Variants in PLCB1 observed in about 807,000 individuals in gnomAD.
The protein encoded by PLCB1 is phospholipase C beta 1, also known as 1-phosphatidylinositol 4,5-bisphosphate phosphodiesterase beta-1.
In PLCB1, 46 loss-of-function variants were observed where a neutral mutation model predicts 161.8. The ratio of observed to expected loss-of-function variants is 0.28; its 90% confidence interval spans 0.22 to 0.36. PLCB1 has a LOEUF of 0.36. Among genes scored for constraint, PLCB1 ranks in the 10% least tolerant of loss-of-function variants. The pLI, the probability that PLCB1 is intolerant of heterozygous loss-of-function variation, is 1.00. For missense variants in PLCB1, 1,016 were observed against 1,472.5 expected (o/e 0.69, Z 5.07); for synonymous variants, 517 against 503.7 (o/e 1.03, Z -0.35).
intron 31 of PLCB1, among the ~76,000 whole-genome samples, chr20:8,806,602 T>C (rs1448139090): frequency 6.6e-6 from 1 of 152,094 alleles, no homozygotes; most frequent in African/African-American, 2.4e-5. Context: ...CTTAAGTCTG[T>C]CTCTTGCCCC....
At chr20:8,277,917 T>A (rs6140583) in intron 2 of PLCB1, among the ~76,000 whole-genome samples, 49,612 of 151,860 alleles carry the variant, frequency 0.33, 8,418 homozygotes, top group East Asian at 0.42. Flanking sequence ...ATGCAGGGGG[T>A]ATAATCCCTA....
At chr20:8,148,118 A>T (rs2051473432) in intron 1 of PLCB1, among the ~76,000 whole-genome samples, 1 of 152,146 alleles carries the variant, frequency 6.6e-6, no homozygotes, top group Non-Finnish European at 1.5e-5. Flanking sequence ...ACTGACCTGA[A>T]AAAGATAAGT....
intron 3 of PLCB1, among the ~76,000 whole-genome samples, chr20:8,524,111 A>C (rs934862919): frequency 2.1e-5 from 3 of 144,642 alleles, no homozygotes; most frequent in Non-Finnish European, 4.5e-5. Flanking sequence ...TTTCAATGCT[A>C]TGTATTAAAA....
intron 2 of PLCB1, among the ~76,000 whole-genome samples, chr20:8,313,170 A>C (rs1984486273): frequency 6.6e-6 from 1 of 152,180 alleles, no homozygotes; most frequent in East Asian, 1.9e-4. Flanking sequence ...TATATCAATC[A>C]CCTATTTGTA....
At chr20:8,319,617 G>A (rs910041875) in intron 2 of PLCB1, among the ~76,000 whole-genome samples, 2 of 152,018 alleles carry the variant, frequency 1.3e-5, no homozygotes, top group African/African-American at 4.8e-5. Flanking sequence ...GTGACTTAGG[G>A]CCATCTATGT....
intron 1 of PLCB1, among the ~76,000 whole-genome samples, chr20:8,136,596 A>G (rs1183765412): frequency 6.6e-6 from 1 of 150,960 alleles, no homozygotes; most frequent in African/African-American, 2.4e-5. Context: ...ACTGCACTCC[A>G]GCCTGGGCGA....
At chr20:8,407,983 A>T (rs1978860672) in intron 3 of PLCB1, among the ~76,000 whole-genome samples, 1 of 152,198 alleles carries the variant, frequency 6.6e-6, no homozygotes, top group African/African-American at 2.4e-5. Flanking sequence ...GAACGTAAGA[A>T]GGCATGATGA....
chr20:8,273,582 C>T (rs890973234), intron 2 of PLCB1, among the ~76,000 whole-genome samples: 1 of 152,096 alleles, frequency 6.6e-6, no homozygotes, highest in Non-Finnish European at 1.5e-5. Flanking sequence ...ATTTCATAAG[C>T]AGGAAACCTA....
chr20:8,433,468 G>A lies in PLCB1; in HGVS notation c.246+62018G>A, dbSNP rs960714960. Among the ~76,000 whole-genome samples, 8 of 117,252 alleles carry A rather than the reference G, an allele frequency of 6.8e-5. 2 individuals carry two copies. Among genetic ancestry groups the A allele is most frequent in the African/African-American group, 1.8e-4 (5 of 28,046 alleles). The allele number at this position is 117,252 out of a possible 152,430, so 76.9% of individuals were successfully genotyped here. ...GATCTTCCATAAAGAGGGGAACTGC[G>A]AATTGCAAAGTAAAGCCCCTGCTGT... is the stretch of plus-strand genomic sequence containing the variant. On this transcript the variant is annotated intron_variant, in intron 3 of 31. Coordinates refer to ENST00000338037, the MANE Select transcript of PLCB1 (RefSeq NM_015192.4).
intron 3 of PLCB1, among the ~76,000 whole-genome samples, chr20:8,473,266 A>C (rs1295549077): frequency 1.3e-5 from 2 of 151,734 alleles, no homozygotes; most frequent in African/African-American, 4.8e-5. Flanking sequence ...TAATCTGACT[A>C]ATGAATTGGA....
rs549041784 is a variant in PLCB1 at position 8,206,178 on chromosome 20, C to T, written c.177+55807C>T. ...ATAACACATTTGTGTGTGCTCTTTT[C>T]CTGACCTATGACTTGTATAGATGTT... is the stretch of plus-strand genomic sequence containing the variant. On this transcript the variant is annotated intron_variant, in intron 2 of 31. Transcript: ENST00000338037. 2.1e-4 allele frequency among the ~76,000 whole-genome samples: 32 copies of T among 152,304 alleles called. 1 individual carries two copies. Among genetic ancestry groups the T allele is most frequent in the Admixed American group, 7.2e-4 (11 of 15,284 alleles).
intron 2 of PLCB1, among the ~76,000 whole-genome samples, chr20:8,160,506 T>G (rs1010672223): frequency 6.6e-6 from 1 of 152,170 alleles, no homozygotes; most frequent in Non-Finnish European, 1.5e-5. Flanking sequence ...ACAATCATAG[T>G]GGAAGGTGAG....
rs1990146091 is a variant in PLCB1, at chr20:8,678,670, T to G, written c.863-6262T>G. ...TGGCTTCTTAGCTCCCCTTGGTGACTCCACACACTGGAGACATTCAGCCCC... is the reference window on the plus strand; with the variant it reads ...TGGCTTCTTAGCTCCCCTTGGTGACGCCACACACTGGAGACATTCAGCCCC... On this transcript the variant is annotated intron_variant, in intron 9 of 31. Coordinates refer to ENST00000338037, the MANE Select transcript of PLCB1 (RefSeq NM_015192.4). 2.0e-5 allele frequency among the ~76,000 whole-genome samples: 3 copies of G among 152,172 alleles called. No homozygotes were observed. In the South Asian group the frequency reaches 6.2e-4, roughly 32 times the overall value.
chr20:8,573,186 TCAAG>T, intron 3 of PLCB1, among the ~76,000 whole-genome samples: 2 of 152,222 alleles, frequency 1.3e-5, no homozygotes, highest in Middle Eastern at 6.8e-3. Flanking sequence ...TACTGAGATG[TCAAG>T]CAAGATGAGA....
At chr20:8,558,322 T>TTAAA (rs1306368450) in intron 3 of PLCB1, among the ~76,000 whole-genome samples, 1 of 150,826 alleles carries the variant, frequency 6.6e-6, no homozygotes, top group Non-Finnish European at 1.5e-5. Flanking sequence ...AAATAAAGAA[T>TTAAA]TAAATAAATA....
chr20:8,552,434 A>C lies in PLCB1; in HGVS notation c.247-75860A>C, dbSNP rs558967815. Among the ~76,000 whole-genome samples the C allele has an allele frequency of 2.0e-5, 3 of 152,296 alleles. No homozygotes were observed. The South Asian group carries it at 6.2e-4, about 32-fold the overall frequency. Reference sequence around the variant, plus strand: ...GCAGGGAAGTGGATGGATGAAAGAGACAGGAGAAGGAAGAGAGGACAGAAC... The same window carrying C: ...GCAGGGAAGTGGATGGATGAAAGAGCCAGGAGAAGGAAGAGAGGACAGAAC... On this transcript the variant is annotated intron_variant, in intron 3 of 31. Transcript: ENST00000338037.
At chr20:8,218,475 C>T (rs1979246041) in intron 2 of PLCB1, among the ~76,000 whole-genome samples, 1 of 152,134 alleles carries the variant, frequency 6.6e-6, no homozygotes. Context: ...GCTTCCACCG[C>T]TTACCAGCTC....
intron 3 of PLCB1, among the ~76,000 whole-genome samples, chr20:8,611,867 G>T (rs2123173203): frequency 1.3e-5 from 2 of 152,218 alleles, no homozygotes; most frequent in Non-Finnish European, 2.9e-5. Flanking sequence ...GATTGCTTGA[G>T]CCCGGGGGAT....
intron 27 of PLCB1, among the ~76,000 whole-genome samples, chr20:8,776,503 T>C (rs1229191989): frequency 6.6e-6 from 1 of 152,224 alleles, no homozygotes; most frequent in Non-Finnish European, 1.5e-5. Context: ...ATGCCATGCC[T>C]GTCTCTCTTT....
Sources: gnomAD v4.1 joint callset for allele counts (sites outside exome capture counted in the v4.1 genomes callset) on GRCh38, gnomAD v4.1.1 for gene constraint, MANE v1.5 for transcripts, NCBI Gene and HGNC (gene_info 2026-07-23, HGNC 2026-07-21) for gene names.